FGF13: variants seen among roughly 807,000 people sequenced by gnomAD.
FGF13 encodes the protein fibroblast growth factor homologous factor 2.
In FGF13, 2 loss-of-function variants were observed where a neutral mutation model predicts 19.5. That is an observed-to-expected ratio of 0.10 (90% CI 0.04 to 0.32). The LOEUF (loss-of-function observed/expected upper bound fraction) is 0.32. Among genes scored for constraint, FGF13 ranks in the 10% least tolerant of loss-of-function variants. The pLI is 1.00. For missense variants in FGF13, 113 were observed against 192.7 expected, an observed-to-expected ratio of 0.59 and a Z score of 2.45; for synonymous variants, 72 against 76.9, an observed-to-expected ratio of 0.94 and a Z score of 0.33.
chrX:138,988,030 T>C (rs1047740454), intron 1 of FGF13, among the ~76,000 whole-genome samples: 5 of 112,109 alleles, frequency 4.5e-5, no homozygotes, highest in African/African-American at 1.6e-4. Flanking sequence ...TCTCTCTGGT[T>C]TTCACCTGTT....
rs1199450668 is a variant in FGF13, at chrX:138,882,812, TAA to T, written c.-112-18164_-112-18163del. 3.6e-5 allele frequency among the ~76,000 whole-genome samples: 4 copies of T among 111,638 alleles called. No homozygotes were observed. In the East Asian group the frequency reaches 1.1e-3, roughly 32 times the overall value. ...TACATAAACTTGTTTGAGGAAGGGTTAAAGAGGAATCCCTGCTAGATTTCCTC... is the reference window on the plus strand; with the variant it reads ...TACATAAACTTGTTTGAGGAAGGGTTAGAGGAATCCCTGCTAGATTTCCTC... On this transcript the variant is annotated intron_variant, in intron 1 of 2. Transcript: ENST00000421460.
chrX:139,036,115 C>T lies in FGF13; in HGVS notation c.-113+167301G>A, dbSNP rs146165313. Among the ~76,000 whole-genome samples, 674 of 111,848 alleles carry T rather than the reference C, an allele frequency of 6.0e-3. 6 individuals are homozygous for T. Among genetic ancestry groups the T allele is most frequent in the African/African-American group, 0.02 (609 of 30,844 alleles). ...GACCTATGACATAGGGGAACATTTG[C>T]GAATTCTATTGATTTTGACCTTTGC... is the stretch of plus-strand genomic sequence containing the variant. On this transcript the variant is annotated intron_variant, in intron 1 of 2. Transcript: ENST00000421460.
intron 1 of FGF13, among the ~76,000 whole-genome samples, chrX:138,716,778 A>G (rs933331956): frequency 4.5e-5 from 5 of 111,681 alleles, no homozygotes; most frequent in Non-Finnish European, 7.5e-5. Context: ...GTTATACTTC[A>G]GAAACAAAGG....
rs1270882209 is a variant in FGF13 at position 138,628,348 on chromosome X, T to C, written c.*4502A>G. The C allele has an allele frequency of 1.8e-5, 2 of 112,353 alleles. No homozygotes were observed. The highest frequency in any genetic ancestry group is 5.6e-4 in the East Asian group (2 of 3,555). 9.3% of individuals were successfully genotyped at this position (112,353 alleles called of 1,213,427 possible). A position where few individuals can be genotyped will look rare whatever the true frequency, so the allele number is the denominator to read the frequency against. On this transcript the variant is annotated 3_prime_UTR_variant, in exon 5 of 5. Coordinates refer to ENST00000315930, the MANE Select transcript of FGF13 (RefSeq NM_004114.5). ...ATTGTTTTATAATTGGAAATGGTCA[T>C]CTATTATACCACTGCCATATCCCTG...
chrX:138,892,032 G>GTGTGTGTGTGTGTGTGTGTGTGTA (rs1569419135), intron 1 of FGF13, among the ~76,000 whole-genome samples: 5 of 108,301 alleles, frequency 4.6e-5, no homozygotes, highest in African/African-American at 1.7e-4. Flanking sequence ...GTGTGTGTGT[G>GTGTGTGTGTGTGTGTGTGTGTGTA]TATTATCTCC....
At chrX:139,069,465 G>T (rs1286718124) in intron 1 of FGF13, among the ~76,000 whole-genome samples, 1 of 85,139 alleles carries the variant, frequency 1.2e-5, no homozygotes, top group Non-Finnish European at 2.3e-5. Context: ...GACTGGTGGG[G>T]GGTGGGGGGA....
chrX:138,808,621 A>C (rs2090892681), intron 3 of FGF13, among the ~76,000 whole-genome samples: 1 of 111,477 alleles, frequency 9.0e-6, no homozygotes, highest in African/African-American at 3.3e-5. Flanking sequence ...TAGAGACACA[A>C]AAAACCCTTA....
chrX:138,685,882 T>C (rs377724801), intron 3 of FGF13, among the ~76,000 whole-genome samples: 5 of 109,809 alleles, frequency 4.6e-5, no homozygotes, highest in East Asian at 5.7e-4. Flanking sequence ...CCTCAATGTA[T>C]TCTGATCTAG....
intron 3 of FGF13, among the ~76,000 whole-genome samples, chrX:138,675,011 A>G (rs1252943912): frequency 9.0e-6 from 1 of 111,679 alleles, no homozygotes; most frequent in African/African-American, 3.3e-5. Context: ...AGGAGGTGCA[A>G]TCAAGGGAGA....
chrX:138,616,592 A>G lies in FGF13; in HGVS notation c.*16258T>C, dbSNP rs150749030. On this transcript the variant is annotated 3_prime_UTR_variant, in exon 5 of 5. Coordinates refer to ENST00000315930, the MANE Select transcript of FGF13 (RefSeq NM_004114.5). ...CTACCATTCTGGGGTCTGGAGGACTATGGCCCTCTTCTCAGAGCTCCACTA... is the reference window on the plus strand; with the variant it reads ...CTACCATTCTGGGGTCTGGAGGACTGTGGCCCTCTTCTCAGAGCTCCACTA... The G allele has an allele frequency of 2.8e-3, 316 of 112,200 alleles. 13 individuals are homozygous for G. In the East Asian group the frequency reaches 0.081, roughly 29 times the overall value. 9.2% of individuals were successfully genotyped at this position (112,200 alleles called of 1,213,427 possible).
intron 1 of FGF13, among the ~76,000 whole-genome samples, chrX:139,174,232 C>T (rs776862140): frequency 1.8e-5 from 2 of 112,296 alleles, no homozygotes; most frequent in East Asian, 5.6e-4. Context: ...ATCCTTTGCC[C>T]ACTTTTTGAT....
chrX:138,886,070 G>A (rs2091450291), intron 1 of FGF13, among the ~76,000 whole-genome samples: 1 of 111,897 alleles, frequency 8.9e-6, no homozygotes, highest in South Asian at 3.8e-4. Flanking sequence ...CATGGGTTAT[G>A]AGTCATGTTT....
At chrX:139,073,135 C>G (rs1274882563) in intron 1 of FGF13, among the ~76,000 whole-genome samples, 1 of 69,095 alleles carries the variant, frequency 1.4e-5, no homozygotes, top group Non-Finnish European at 2.6e-5. Flanking sequence ...GCTGTTTTTC[C>G]CCCCCCCCTT....
intron 1 of FGF13, among the ~76,000 whole-genome samples, chrX:139,010,702 C>A (rs1453683935): frequency 9.0e-6 from 1 of 111,106 alleles, no homozygotes; most frequent in Non-Finnish European, 1.9e-5. Context: ...ACCAAAAAGT[C>A]TGAAAGGGCA....
intron 1 of FGF13, among the ~76,000 whole-genome samples, chrX:138,982,088 G>A (rs190034799): frequency 1.8e-4 from 20 of 111,902 alleles, no homozygotes; most frequent in African/African-American, 6.2e-4. Context: ...CAGCTCAAGT[G>A]GCTTTTTATG....
intron 1 of FGF13, among the ~76,000 whole-genome samples, chrX:139,158,228 TC>T (rs1180013297): frequency 9.6e-6 from 1 of 104,405 alleles, no homozygotes; most frequent in African/African-American, 3.8e-5. Flanking sequence ...TTTTTTGATA[TC>T]CCAGTGGTGC....
intron 1 of FGF13, among the ~76,000 whole-genome samples, chrX:138,732,430 A>C (rs2090239439): frequency 8.9e-6 from 1 of 112,021 alleles, no homozygotes; most frequent in East Asian, 2.8e-4. Context: ...ACTGATATAC[A>C]CAGAAAAATA....
upstream of FGF13, chrX:139,203,918 C>T (rs989043654): frequency 8.6e-6 from 5 of 584,252 alleles, no homozygotes; most frequent in Admixed American, 1.5e-4. Context: ...CTCTGCCCCC[C>T]CTTTTCTCCC....
At chrX:139,099,377 C>CAAAAAA (rs59882808) in intron 1 of FGF13, among the ~76,000 whole-genome samples, 2 of 32,955 alleles carry the variant, frequency 6.1e-5, no homozygotes, top group Admixed American at 4.0e-4. Flanking sequence ...GTTTCTATCT[C>CAAAAAA]AAAAAAAAAA....
Sources: allele counts gnomAD v4.1 joint callset (sites outside exome capture counted in the v4.1 genomes callset), GRCh38; gene constraint gnomAD v4.1.1; transcripts MANE v1.5; gene names NCBI Gene and HGNC (gene_info 2026-07-23, HGNC 2026-07-21).